FOXP1: variants seen among roughly 807,000 people sequenced by gnomAD.
FOXP1 encodes forkhead box protein P1.
In FOXP1, 15 loss-of-function variants were observed where a neutral mutation model predicts 98.2. That is an observed-to-expected ratio of 0.15 (90% CI 0.10 to 0.24). The LOEUF (loss-of-function observed/expected upper bound fraction) is 0.24. Among genes scored for constraint, FOXP1 ranks in the 10% least tolerant of loss-of-function variants. The pLI is 1.00. For synonymous variants in FOXP1, 371 were observed against 314.5 expected, an observed-to-expected ratio of 1.18 and a Z score of -1.90; for missense variants, 633 against 848.5, an observed-to-expected ratio of 0.75 and a Z score of 3.15.
At chr3:71,119,020 C>G (rs1342886279) in intron 6 of FOXP1, among the ~76,000 whole-genome samples, 2 of 152,198 alleles carry the variant, frequency 1.3e-5, no homozygotes, top group Non-Finnish European at 2.9e-5. Flanking sequence ...CCAAAGATTT[C>G]ACTGGATAGA....
intron 11 of FOXP1, among the ~76,000 whole-genome samples, chr3:71,034,170 G>A (rs560285242): frequency 3.9e-5 from 6 of 152,242 alleles, no homozygotes; most frequent in South Asian, 2.1e-4. Context: ...AACTGGCAAC[G>A]GGGATTTTCC....
At position 70,957,057 on chromosome 3, in the gene FOXP1, A is replaced by G. The variant is rs1034925888; in HGVS notation, c.*2190T>C. ...TCTAAAAATATCTCTTTTTCTAGAA[A>G]TACTATTATGTAATCTAGTTCAATT... On this transcript the variant is annotated 3_prime_UTR_variant, in exon 21 of 21. Coordinates refer to ENST00000649528, the MANE Select transcript of FOXP1 (RefSeq NM_001349338.3). The G allele has an allele frequency of 4.5e-6, 1 of 223,066 alleles. No homozygotes were observed. The highest frequency in any genetic ancestry group is 5.7e-5 in the Admixed American group (1 of 17,468). 13.8% of individuals were successfully genotyped at this position (223,066 alleles called of 1,614,324 possible). A position where few individuals can be genotyped will look rare whatever the true frequency, so the allele number is the denominator to read the frequency against.
intron 3 of FOXP1, among the ~76,000 whole-genome samples, chr3:71,448,418 C>G (rs911142277): frequency 3.3e-5 from 5 of 152,148 alleles, no homozygotes; most frequent in Non-Finnish European, 7.4e-5. Context: ...TCCCAAAAGA[C>G]AAACTGTACC....
intron 4 of FOXP1, among the ~76,000 whole-genome samples, chr3:71,321,294 T>C (rs2075378277): frequency 6.6e-6 from 1 of 152,198 alleles, no homozygotes; most frequent in South Asian, 2.1e-4. Context: ...CAGTTGGCCT[T>C]CAAAACAGTG....
At chr3:71,491,171 A>G (rs559614257) in intron 3 of FOXP1, among the ~76,000 whole-genome samples, 102 of 152,064 alleles carry the variant, frequency 6.7e-4, no homozygotes, top group African/African-American at 2.2e-3. Context: ...ACCCACCACC[A>G]CGCCCAGCTA....
chr3:71,189,849 G>GGA (rs2062859250), intron 6 of FOXP1, among the ~76,000 whole-genome samples: 1 of 152,224 alleles, frequency 6.6e-6, no homozygotes, highest in Non-Finnish European at 1.5e-5. Context: ...CAGGTAATGA[G>GGA]GAAGGTGATC....
intron 6 of FOXP1, among the ~76,000 whole-genome samples, chr3:71,142,488 C>T (rs189798906): frequency 1.3e-5 from 2 of 152,308 alleles, no homozygotes; most frequent in Admixed American, 1.3e-4. Flanking sequence ...TAGAGGAAGT[C>T]AGATTCTGAA....
rs181448265 is a variant in FOXP1 at position 71,356,435 on chromosome 3, G to A, written c.-73+2715C>T. Among the ~76,000 whole-genome samples the A allele has an allele frequency of 2.0e-3, 302 of 152,144 alleles. 1 individual carries two copies. The highest frequency in any genetic ancestry group is 5.0e-3 in the African/African-American group (206 of 41,516). ...AGGAGCAATGGACTGCGAAACATGC[G>A]TCATCTATCAGTAAAACAACGACCA... On this transcript the variant is annotated intron_variant, in intron 4 of 20. Coordinates refer to ENST00000649528, the MANE Select transcript of FOXP1 (RefSeq NM_001349338.3).
chr3:71,007,294 G>T lies in FOXP1; in HGVS notation c.975-6235C>A, dbSNP rs141324722. Among the ~76,000 whole-genome samples the T allele has an allele frequency of 4.7e-3, 721 of 152,138 alleles. 3 individuals carry two copies. The highest frequency in any genetic ancestry group is 6.8e-3 in the Middle Eastern group (2 of 294). ...ATCTTCTCGAGATTTAAATTGTGAGGCTGGAATTTGATTTGCATACATCCA... is the reference window on the plus strand; with the variant it reads ...ATCTTCTCGAGATTTAAATTGTGAGTCTGGAATTTGATTTGCATACATCCA... On this transcript the variant is annotated intron_variant, in intron 12 of 20. Coordinates refer to ENST00000649528, the MANE Select transcript of FOXP1 (RefSeq NM_001349338.3).
At chr3:71,479,228 A>G (rs2090088649) in intron 3 of FOXP1, among the ~76,000 whole-genome samples, 1 of 152,188 alleles carries the variant, frequency 6.6e-6, no homozygotes, top group Non-Finnish European at 1.5e-5. Context: ...TACCTGGCTT[A>G]AAATGAAGAA....
intron 3 of FOXP1, among the ~76,000 whole-genome samples, chr3:71,377,602 G>T (rs771453525): frequency 6.6e-6 from 1 of 152,120 alleles, no homozygotes; most frequent in South Asian, 2.1e-4. Context: ...TTTGAAACTA[G>T]ATCTTTTTCC....
At chr3:70,996,404 C>T (rs2041366768) in intron 13 of FOXP1, among the ~76,000 whole-genome samples, 1 of 152,226 alleles carries the variant, frequency 6.6e-6, no homozygotes, top group Non-Finnish European at 1.5e-5. Context: ...TTCCTGAAAT[C>T]TCACCAGTAC....
chr3:71,271,374 A>AC (rs2070332195), intron 5 of FOXP1, among the ~76,000 whole-genome samples: 1 of 152,214 alleles, frequency 6.6e-6, no homozygotes, highest in Non-Finnish European at 1.5e-5. Flanking sequence ...GTTAACGATA[A>AC]TTTTACTTTT....
intron 3 of FOXP1, among the ~76,000 whole-genome samples, chr3:71,416,395 T>C (rs1457296655): frequency 6.6e-6 from 1 of 151,996 alleles, no homozygotes; most frequent in African/African-American, 2.4e-5. Context: ...AATAAAAATT[T>C]GCCAGGTATG....
At chr3:71,139,046 G>GC (rs1200713737) in intron 6 of FOXP1, among the ~76,000 whole-genome samples, 1 of 152,144 alleles carries the variant, frequency 6.6e-6, no homozygotes, top group Non-Finnish European at 1.5e-5. Context: ...AAATACAAAT[G>GC]CAAGTATCTG....
intron 16 of FOXP1, among the ~76,000 whole-genome samples, chr3:70,977,301 A>G (rs1331692617): frequency 6.6e-6 from 1 of 152,236 alleles, no homozygotes; most frequent in East Asian, 1.9e-4. Flanking sequence ...GCAGAATCAA[A>G]GAGAAATGCA....
intron 3 of FOXP1, among the ~76,000 whole-genome samples, chr3:71,482,990 C>T (rs1425722548): frequency 3.3e-5 from 5 of 151,934 alleles, no homozygotes; most frequent in Non-Finnish European, 5.9e-5. Context: ...TGCAAGCTAC[C>T]ACATCCGGCT....
chr3:70,972,724 G>C (rs946273307), intron 17 of FOXP1, 48 bp from the exon 18 acceptor site: 2 of 1,602,028 alleles, frequency 1.2e-6, no homozygotes, highest in Non-Finnish European at 1.7e-6. Context: ...TATAAGAAAA[G>C]ACTCCAAAAA....
In FOXP1 at chr3:70,958,025, C is replaced by G. The variant is rs2032235762; in HGVS notation, c.*1222G>C. On this transcript the variant is annotated 3_prime_UTR_variant, in exon 21 of 21. Coordinates refer to ENST00000649528, the MANE Select transcript of FOXP1 (RefSeq NM_001349338.3). Reference sequence around the variant, plus strand: ...TGGCCATTTTGCAAACAAAACCAACCCACACCCGTTATCGCAGAGCACCCA... The same window carrying G: ...TGGCCATTTTGCAAACAAAACCAACGCACACCCGTTATCGCAGAGCACCCA... 8.1e-6 allele frequency: 2 copies of G among 247,580 alleles called. No individual in the cohort carries two copies. The highest frequency in any genetic ancestry group is 4.4e-5 in the African/African-American group (2 of 45,464). 15.3% of individuals were successfully genotyped at this position (247,580 alleles called of 1,614,324 possible).
Sources: allele counts gnomAD v4.1 joint callset (sites outside exome capture counted in the v4.1 genomes callset), GRCh38; gene constraint gnomAD v4.1.1; transcripts MANE v1.5; gene names NCBI Gene and HGNC (gene_info 2026-07-23, HGNC 2026-07-21).